The following CTC1 variants were observed in gnomAD, a reference collection of about 807,000 sequenced individuals.
CTC1 encodes the protein CST telomere replication complex component 1.
In CTC1, 91 loss-of-function variants were observed where a neutral mutation model predicts 136.3. The ratio of observed to expected loss-of-function variants is 0.67; its 90% CI spans 0.56 to 0.79. The LOEUF (loss-of-function observed/expected upper bound fraction) is 0.79. Ranked by LOEUF, CTC1 falls within the 30% of genes least tolerant of loss-of-function variation. CTC1 has a pLI of 0.00. For synonymous variants in CTC1, 606 were observed against 613.8 expected, an observed-to-expected ratio of 0.99 and a Z score of 0.19; for missense variants, 1,432 against 1,498.1, an observed-to-expected ratio of 0.96 and a Z score of 0.73.
At chr17:8,236,498 C>T (rs1398742125) in intron 5 of CTC1, among the ~76,000 whole-genome samples, 156 bp from the exon 6 acceptor site, 4 of 152,128 alleles carry the variant, frequency 2.6e-5, no homozygotes, top group African/African-American at 7.2e-5. Flanking sequence ...TAAATCTTAG[C>T]GTCTCTCCTC....
At position 8,231,740 on chromosome 17, in the gene CTC1, C is replaced by A. The variant is rs771475755; in HGVS notation, c.2461G>T (p.Ala821Ser). ...LHPGQVYRLI[A>S]PGPATPMLFE... ...AGGACACTCACAGCGGGGCCAGGAG[C>A]TATGAGTCGGTACACCTGTCCCGGG... Residue 821 changes from alanine to serine, a missense_variant, in exon 14 of 23, where the codon GCT becomes TCT. Ala to Ser is a moderately conservative substitution (Grantham distance 99). Transcript: ENST00000651323. The A allele has an allele frequency of 2.4e-5, 38 of 1,614,006 alleles. No individual in the cohort carries two copies. The East Asian group carries it at 7.6e-4, about 32-fold the overall frequency.
chr17:8,246,668 C>CCT (rs1988737989), intron 1 of CTC1, among the ~76,000 whole-genome samples: 1 of 152,038 alleles, frequency 6.6e-6, no homozygotes, highest in South Asian at 2.1e-4. Context: ...GGGCAGATCA[C>CCT]GACGTCAGGA....
intron 16 of CTC1, 34 bp downstream of exon 16, chr17:8,230,529 T>A (rs1987126799): frequency 6.2e-7 from 1 of 1,613,800 alleles, no homozygotes; most frequent in Non-Finnish European, 8.5e-7. Flanking sequence ...CATCACTCTA[T>A]TTCATACCTT....
chr17:8,228,374 C>G, intron 22 of CTC1, 55 bp from the exon 23 acceptor site: 3 of 1,608,388 alleles, frequency 1.9e-6, no homozygotes, highest in South Asian at 2.2e-5. Context: ...TTTTAGTTCC[C>G]ACCCACCATT....
At position 8,243,063 on chromosome 17, in the gene CTC1, G is replaced by A. The variant is rs1341277794; in HGVS notation, c.119C>T (p.Pro40Leu). The change falls in exon 2 of 23, where the codon CCA becomes CTA. Residue 40 changes from proline to leucine, a missense_variant. Physicochemically the swap from Pro to Leu is moderately conservative, Grantham distance 98 (BLOSUM62 -3). Coordinates refer to ENST00000651323, the MANE Select transcript of CTC1 (RefSeq NM_025099.6). ...AVKEPNVQLT[P>L]LVIDCVKTVW... is the part of the protein sequence containing the mutation. ...AGTCTTCACACAATCAATTACCAAT[G>A]GAGTCAACTGGACATTAGGCTCCTT... 1 of 1,613,992 alleles carries A rather than the reference G, an allele frequency of 6.2e-7. No individual in the cohort carries two copies. Among genetic ancestry groups the A allele is most frequent in the South Asian group, 1.1e-5 (1 of 91,038 alleles).
chr17:8,240,685 G>C (rs1988140173), intron 2 of CTC1, among the ~76,000 whole-genome samples: 1 of 151,046 alleles, frequency 6.6e-6, no homozygotes, highest in African/African-American at 2.4e-5. Context: ...TTTGAGACCA[G>C]CCTGGCCAAC....
At position 8,226,185 on chromosome 17, in the gene CTC1, A is replaced by C. The variant is rs1057147920; in HGVS notation, c.*1995T>G. 5.3e-5 allele frequency: 8 copies of C among 152,340 alleles called. No individual in the cohort carries two copies. Among genetic ancestry groups the C allele is most frequent in the East Asian group, 1.9e-4 (1 of 5,194 alleles). The allele number at this position is 152,340 out of a possible 1,614,324, so 9.4% of individuals were successfully genotyped here. A position where few individuals can be genotyped will look rare whatever the true frequency, so the allele number is the denominator to read the frequency against. On this transcript the variant is annotated 3_prime_UTR_variant, in exon 23 of 23. Transcript: ENST00000651323. The stretch of plus-strand genomic sequence containing the variant: ...ACGCGTTCTGATATAAAAACAATAC[A>C]TGAAAGGATGTGGATTTAGCCGCAA...
At position 8,232,340 on chromosome 17, in the gene CTC1, C is replaced by T. The variant is rs369075809; in HGVS notation, c.2060+21G>A. ...TTCCTTCCCCCCAGACTCAAGACAA[C>T]CATGACCCCAAGGAGCCAACCTGGC... On this transcript the variant is annotated intron_variant, in intron 12 of 22. Transcript: ENST00000651323. 1.1e-5 allele frequency: 18 copies of T among 1,608,646 alleles called. No individual in the cohort carries two copies. In the African/African-American group the frequency reaches 2.4e-4, roughly 22 times the overall value.
chr17:8,235,125 A>T lies in CTC1; in HGVS notation c.1367T>A (p.Leu456Gln). 1 of 1,614,186 alleles carries T rather than the reference A, an allele frequency of 6.2e-7. No homozygotes were observed. The highest frequency in any genetic ancestry group is 1.1e-5 in the South Asian group (1 of 91,084). The part of the protein sequence containing the change: ...QAYGASLYEQ[L>Q]VWERQLGLPL... The stretch of plus-strand genomic sequence containing the variant: ...AAGTCCTAACTGACGTTCCCACACC[A>T]GCTGCTCGTACAGGGAGGCCCCGTA... The change falls in exon 8 of 23, where the codon CTG becomes CAG. Residue 456 changes from leucine to glutamine, a missense_variant. Physicochemically the swap from Leu to Gln is moderately radical, Grantham distance 113. Transcript: ENST00000651323.
At position 8,225,963 on chromosome 17, in the gene CTC1, T is replaced by A. The variant is rs1049664704; in HGVS notation, c.*2217A>T. On this transcript the variant is annotated 3_prime_UTR_variant, in exon 23 of 23. Transcript: ENST00000651323. ...CCTGGAAGGTGGGCAGCCCCTTCCA[T>A]CGAGGGTGGGGCGGCCGCCTGACCC... 2.6e-5 allele frequency: 4 copies of A among 152,012 alleles called. No individual in the cohort carries two copies. Among genetic ancestry groups the A allele is most frequent in the African/African-American group, 9.7e-5 (4 of 41,364 alleles). The allele number at this position is 152,012 out of a possible 1,614,324, so 9.4% of individuals were successfully genotyped here.
intron 1 of CTC1, among the ~76,000 whole-genome samples, chr17:8,245,680 G>A (rs1267006858): frequency 2.6e-5 from 4 of 152,152 alleles, no homozygotes; most frequent in Non-Finnish European, 5.9e-5. Context: ...GCTCTCGCCT[G>A]TAATCCCAGC....
At position 8,234,629 on chromosome 17, in the gene CTC1, G is replaced by T. The variant is rs1987536266; in HGVS notation, c.1644C>A (p.Ser548=). 6.2e-7 allele frequency: 1 copy of T among 1,612,780 alleles called. No homozygotes were observed. The highest frequency in any genetic ancestry group is 1.1e-5 in the South Asian group (1 of 90,948). The part of the protein sequence containing the change: ...QKYTRLQTPS[S]FPTLATLKEE... ...CTTTCAGGGTGGCCAGAGTGGGGAA[G>T]GAGGAGGGAGTCTGCAGCCGAGTGT... The change falls in exon 10 of 23, where the codon TCC becomes TCA. Residue 548 remains serine, a synonymous_variant. Coordinates refer to ENST00000651323, the MANE Select transcript of CTC1 (RefSeq NM_025099.6).
Position 8,229,944 on chromosome 17 carries a change from G to A in CTC1, c.2958C>T (p.Phe986=), listed in dbSNP as rs1987068130. 1 of 1,614,028 alleles carries A rather than the reference G, an allele frequency of 6.2e-7. No homozygotes were observed. Among genetic ancestry groups the A allele is most frequent in the African/African-American group, 1.3e-5 (1 of 74,900 alleles). ...GGACCTGCACATAAGTGGATGACCG[G>A]AAACAACAATAAACATTGTGAGATC... The part of the protein sequence containing the change: ...VSRSHNVYCC[F]RSSTYVQVLS... Residue 986 remains phenylalanine (F), a synonymous_variant, in exon 18 of 23, where the codon TTC becomes TTT. Coordinates refer to ENST00000651323, the MANE Select transcript of CTC1 (RefSeq NM_025099.6).
chr17:8,232,882 T>C (rs755951015), intron 11 of CTC1, 24 bp downstream of exon 11: 1 of 1,612,460 alleles, frequency 6.2e-7, no homozygotes, highest in Non-Finnish European at 8.5e-7. Context: ...ACTACCATCT[T>C]CTTTCCACAT....
intron 2 of CTC1, among the ~76,000 whole-genome samples, chr17:8,242,579 T>C (rs188470821): frequency 0.013 from 1,701 of 127,936 alleles, 31 homozygotes; most frequent in African/African-American, 0.037. Flanking sequence ...TATATATATA[T>C]ACACATATAT....
At chr17:8,236,909 C>T (rs1987776432) in intron 5 of CTC1, among the ~76,000 whole-genome samples, 1 of 152,006 alleles carries the variant, frequency 6.6e-6, no homozygotes, top group Admixed American at 6.6e-5. Flanking sequence ...TCAATCATAC[C>T]CCAAACCTCA....
intron 12 of CTC1, 64 bp from the exon 13 acceptor site, chr17:8,232,291 C>A: frequency 6.4e-7 from 1 of 1,562,728 alleles, no homozygotes; most frequent in African/African-American, 1.4e-5. Context: ...TGGTCCCCAG[C>A]ATCCCACTCC....
At chr17:8,238,304 G>A (rs576170076) in intron 3 of CTC1, 62 bp from the exon 4 acceptor site, 52 of 1,560,650 alleles carry the variant, frequency 3.3e-5, no homozygotes, top group Admixed American at 1.1e-4. Context: ...CCACCTCCCC[G>A]TTTGTTTCCT....
chr17:8,233,178 G>A, intron 10 of CTC1, 146 bp from the exon 11 acceptor site: 1 of 807,620 alleles, frequency 1.2e-6, no homozygotes, highest in Admixed American at 2.9e-5. Flanking sequence ...ATATTCAAGT[G>A]GGGAAGACAG....
Sources: allele counts gnomAD v4.1 joint callset (sites outside exome capture counted in the v4.1 genomes callset), GRCh38; gene constraint gnomAD v4.1.1; transcripts MANE v1.5; gene names NCBI Gene and HGNC (gene_info 2026-07-23, HGNC 2026-07-21).